The following TMEM163 variants were observed in gnomAD, a reference collection of about 807,000 sequenced individuals.
The protein encoded by TMEM163 is transmembrane protein 163.
Under a neutral mutation model 29.3 loss-of-function variants are expected in TMEM163, and 17 were observed. The ratio of observed to expected loss-of-function variants is 0.58; its 90% CI spans 0.40 to 0.87. The LOEUF is 0.87. Ranked by LOEUF, TMEM163 falls within the 40% of genes least tolerant of loss-of-function variation. The pLI, the probability that TMEM163 is intolerant of heterozygous loss-of-function variation, is 0.00. For missense variants in TMEM163, 303 were observed against 381.5 expected, an observed-to-expected ratio of 0.79 and a Z score of 1.71; for synonymous variants, 157 against 160.6, an observed-to-expected ratio of 0.98 and a Z score of 0.17.
intron 2 of TMEM163, among the ~76,000 whole-genome samples, chr2:134,568,934 C>T (rs1010730759): frequency 6.6e-6 from 1 of 152,126 alleles, no homozygotes; most frequent in Non-Finnish European, 1.5e-5. Flanking sequence ...TGAAAGATAA[C>T]AACTCTCAAA....
intron 2 of TMEM163, among the ~76,000 whole-genome samples, chr2:134,630,047 A>C (rs1265641413): frequency 2.6e-5 from 4 of 152,200 alleles, no homozygotes; most frequent in African/African-American, 9.7e-5. Context: ...GAATCCATTC[A>C]TGCAACATGC....
chr2:134,554,221 G>A (rs781579699), intron 2 of TMEM163, among the ~76,000 whole-genome samples: 8 of 151,840 alleles, frequency 5.3e-5, no homozygotes, highest in South Asian at 2.1e-4. Flanking sequence ...TCAAGAGATC[G>A]AGACCATCCT....
At chr2:134,497,895 A>G (rs1679608589) in intron 5 of TMEM163, among the ~76,000 whole-genome samples, 2 of 152,218 alleles carry the variant, frequency 1.3e-5, no homozygotes, top group South Asian at 2.1e-4. Flanking sequence ...AAGGCCAAGC[A>G]TCAGAGAAGC....
chr2:134,697,584 C>T (rs1684609954), intron 2 of TMEM163, among the ~76,000 whole-genome samples: 1 of 151,880 alleles, frequency 6.6e-6, no homozygotes, highest in Non-Finnish European at 1.5e-5. Context: ...CCTGCCTCAG[C>T]CTCCCAAGTA....
chr2:134,507,529 T>C (rs1327926088), intron 4 of TMEM163, among the ~76,000 whole-genome samples: 1 of 152,150 alleles, frequency 6.6e-6, no homozygotes, highest in Non-Finnish European at 1.5e-5. Context: ...ATCTGTGTTT[T>C]AATAAGCCCT....
intron 4 of TMEM163, among the ~76,000 whole-genome samples, chr2:134,549,583 A>T (rs1680866180): frequency 6.6e-6 from 1 of 152,060 alleles, no homozygotes; most frequent in Non-Finnish European, 1.5e-5. Context: ...GCCTCAAGTG[A>T]TCCACCTGCC....
chr2:134,685,599 G>A (rs939572619), intron 2 of TMEM163, among the ~76,000 whole-genome samples: 1 of 152,204 alleles, frequency 6.6e-6, no homozygotes, highest in African/African-American at 2.4e-5. Context: ...AAGGTCCAAG[G>A]TTAGCCTAAT....
At chr2:134,474,836 CG>C (rs1686880200) in intron 5 of TMEM163, among the ~76,000 whole-genome samples, 1 of 152,020 alleles carries the variant, frequency 6.6e-6, no homozygotes, top group African/African-American at 2.4e-5. Flanking sequence ...CAAAATATTA[CG>C]GAGATAAATT....
intron 2 of TMEM163, among the ~76,000 whole-genome samples, chr2:134,605,842 G>A (rs186596359): frequency 6.6e-6 from 1 of 152,312 alleles, no homozygotes; most frequent in East Asian, 1.9e-4. Context: ...ACAATGTATT[G>A]TGTAAGTGAC....
rs958404475 is a variant in TMEM163, at chr2:134,487,475, C to T, written c.555+15426G>A. On this transcript the variant is annotated intron_variant, in intron 5 of 7. Coordinates refer to ENST00000281924, the MANE Select transcript of TMEM163 (RefSeq NM_030923.5). ...ATGCAATTGTTAAAGCAAGCCAATTCTCTCAGAATTAATAAATTCGATGCA... is the reference window on the plus strand; with the variant it reads ...ATGCAATTGTTAAAGCAAGCCAATTTTCTCAGAATTAATAAATTCGATGCA... Among the ~76,000 whole-genome samples the T allele has an allele frequency of 2.6e-5, 4 of 152,206 alleles. No homozygotes were observed. The East Asian group carries it at 7.7e-4, about 29-fold the overall frequency.
rs750045704 is a variant in TMEM163, at chr2:134,456,767, G to A, written c.819C>T (p.Ile273=). The change falls in exon 8 of 8, where the codon ATC becomes ATT. Residue 273 remains isoleucine (I), a synonymous_variant. Coordinates refer to ENST00000281924, the MANE Select transcript of TMEM163 (RefSeq NM_030923.5). ...TIFAYGVKLL[I]DMVPRVRQTR... is the part of the protein sequence containing the mutation. ...TCTGCCTCACCCTCGGCACCATGTC[G>A]ATGAGGAGTCTGCAAAGACGAAGAC... 29 of 1,613,602 alleles carry A rather than the reference G, an allele frequency of 1.8e-5. 1 individual carries two copies. The Admixed American group carries it at 1.8e-4, about 10-fold the overall frequency.
At position 134,465,264 on chromosome 2, in the gene TMEM163, CAT is replaced by C. The variant is rs200578341; in HGVS notation, c.667+848_667+849del. ...CACATACACACACACGTGTGTATAA[CAT>C]AAAACATGTTTGTGTGTACATATAT... On this transcript the variant is annotated intron_variant, in intron 6 of 7. Transcript: ENST00000281924. Among the ~76,000 whole-genome samples the C allele has an allele frequency of 3.6e-3, 527 of 147,592 alleles. 12 individuals are homozygous for C. Among genetic ancestry groups the C allele is most frequent in the Admixed American group, 0.025 (378 of 14,848 alleles).
At chr2:134,716,923 G>T (rs577588594) in intron 1 of TMEM163, among the ~76,000 whole-genome samples, 8 of 152,202 alleles carry the variant, frequency 5.3e-5, no homozygotes, top group African/African-American at 7.2e-5. Flanking sequence ...GGCGAATAGG[G>T]TTCATCCTAA....
At chr2:134,673,218 A>G (rs537548238) in intron 2 of TMEM163, among the ~76,000 whole-genome samples, 88 of 152,200 alleles carry the variant, frequency 5.8e-4, no homozygotes, top group African/African-American at 1.6e-3. Flanking sequence ...CTGATCCACA[A>G]GATATAGTCC....
At chr2:134,472,413 G>A (rs1192398301) in intron 5 of TMEM163, among the ~76,000 whole-genome samples, 5 of 152,168 alleles carry the variant, frequency 3.3e-5, no homozygotes, top group Admixed American at 3.3e-4. Flanking sequence ...TAAAAGAAAT[G>A]AAAGCCAAAA....
intron 4 of TMEM163, among the ~76,000 whole-genome samples, chr2:134,529,458 C>T (rs1680370778): frequency 6.6e-6 from 1 of 151,998 alleles, no homozygotes; most frequent in Admixed American, 6.6e-5. Context: ...ATTAAATTGT[C>T]CAGTTTTTGG....
At chr2:134,715,466 T>C (rs1195357547) in intron 1 of TMEM163, among the ~76,000 whole-genome samples, 1 of 152,192 alleles carries the variant, frequency 6.6e-6, no homozygotes, top group Non-Finnish European at 1.5e-5. Flanking sequence ...AATTAAAAAA[T>C]AAAATGGAAT....
chr2:134,459,416 C>T (rs1686478619), intron 6 of TMEM163: 2 of 93,232 alleles, frequency 2.1e-5, no homozygotes, highest in East Asian at 8.0e-4. Flanking sequence ...CCACCACCCA[C>T]CTGTAACTGT....
At chr2:134,632,751 T>TG (rs1682994877) in intron 2 of TMEM163, among the ~76,000 whole-genome samples, 2 of 151,892 alleles carry the variant, frequency 1.3e-5, no homozygotes, top group Admixed American at 1.3e-4. Flanking sequence ...CTTTTTTTTT[T>TG]TTTCTTTTTG....
Sources: gnomAD v4.1 joint callset for allele counts (sites outside exome capture counted in the v4.1 genomes callset) on GRCh38, gnomAD v4.1.1 for gene constraint, MANE v1.5 for transcripts, NCBI Gene and HGNC (gene_info 2026-07-23, HGNC 2026-07-21) for gene names.